The following PRKAR1B variants were observed in gnomAD, a reference collection of about 807,000 sequenced individuals.
PRKAR1B encodes cAMP-dependent protein kinase type I-beta regulatory subunit.
In PRKAR1B, 22 loss-of-function variants were observed where a neutral mutation model predicts 46.5. That is an observed-to-expected ratio of 0.47 (90% CI 0.34 to 0.68). The LOEUF (loss-of-function observed/expected upper bound fraction) is 0.68, where lower values mean the gene tolerates loss of function less well. PRKAR1B is among the 30% of genes least tolerant of loss of function. The pLI is 0.01. For synonymous variants in PRKAR1B, 259 were observed against 217.7 expected, an observed-to-expected ratio of 1.19 and a Z score of -1.67; for missense variants, 445 against 535.6, an observed-to-expected ratio of 0.83 and a Z score of 1.67.
chr7:616,826 C>T (rs576981033), intron 4 of PRKAR1B, among the ~76,000 whole-genome samples: 13 of 152,304 alleles, frequency 8.5e-5, no homozygotes, highest in Admixed American at 2.0e-4. Flanking sequence ...GAATCCCAAC[C>T]TCATGTATTT....
chr7:569,082 C>G (rs967963888), intron 9 of PRKAR1B, among the ~76,000 whole-genome samples: 12 of 148,900 alleles, frequency 8.1e-5, no homozygotes, highest in African/African-American at 2.5e-4. Flanking sequence ...AAAAAAAAAT[C>G]AGAGAGAAAA....
At position 550,576 on chromosome 7, in the gene PRKAR1B, G is replaced by T; in HGVS notation, c.1000C>A (p.Pro334Thr). 6.3e-7 allele frequency: 1 copy of T among 1,592,102 alleles called. No individual in the cohort carries two copies. Among genetic ancestry groups the T allele is most frequent in the Non-Finnish European group, 8.5e-7 (1 of 1,171,264 alleles). ...CGGGCCACGACAGTGGCCGCCCGGG[G>T]CCGGTTCAGCAGCAGTGCAATCTCC... is the stretch of plus-strand genomic sequence containing the variant. ...FGEIALLLNR[P>T]RAATVVARGP... is the part of the protein sequence containing the mutation. The change falls in exon 11 of 11, where the codon CCC becomes ACC. Residue 334 changes from proline (P) to threonine (T), a missense_variant. Physicochemically the swap from Pro to Thr is conservative, Grantham distance 38. Transcript: ENST00000537384.
rs781030551 is a variant in PRKAR1B, at chr7:677,240, G to T, written c.429C>A (p.Asp143Glu). The change falls in exon 4 of 11, where the codon GAC (aspartate) becomes GAA (glutamate). Residue 143 changes from aspartate to glutamate, a missense_variant. This residue lies in a region of PRKAR1B where 94 missense variants were observed against 126.9 expected (regional missense o/e 0.74). Coordinates refer to ENST00000537384, the MANE Select transcript of PRKAR1B (RefSeq NM_001164760.2). ...SKNVLFAHLD[D>E]NERSDIFDAM... ...ACGAGTCTGCCTACCTCCTCTCGTT[G>T]TCATCCAGGTGAGCGAAGAGCACGT... is the stretch of plus-strand genomic sequence containing the variant. The T allele has an allele frequency of 1.2e-6, 2 of 1,614,238 alleles. No individual in the cohort carries two copies. The highest frequency in any genetic ancestry group is 1.7e-6 in the Non-Finnish European group (2 of 1,180,032).
rs1784028688 is a variant in PRKAR1B at position 635,931 on chromosome 7, A to ACCGCGCCCACACGTCCTCCACCGG, written c.441-28480_441-28479insCCGGTGGAGGACGTGTGGGCGCGG. ...CACGAAGCATTGTAAAAGTACCAGCACCGCGCCCACACATCCTCCACCGGC... is the reference window on the plus strand; with the variant it reads ...CACGAAGCATTGTAAAAGTACCAGCACCGCGCCCACACGTCCTCCACCGGCCGCGCCCACACATCCTCCACCGGC... On this transcript the variant is annotated intron_variant, in intron 4 of 10. Transcript: ENST00000537384. Among the ~76,000 whole-genome samples, 5 of 150,652 alleles carry ACCGCGCCCACACGTCCTCCACCGG rather than the reference A, an allele frequency of 3.3e-5. 1 individual carries two copies. In the East Asian group the frequency reaches 7.8e-4, roughly 24 times the overall value.
chr7:659,698 C>T (rs1785400365), intron 4 of PRKAR1B, among the ~76,000 whole-genome samples: 1 of 152,098 alleles, frequency 6.6e-6, no homozygotes, highest in African/African-American at 2.4e-5. Context: ...GACGCATGGG[C>T]CTTGTGAGGG....
intron 2 of PRKAR1B, among the ~76,000 whole-genome samples, chr7:706,585 A>T (rs1299482862): frequency 1.8e-5 from 2 of 113,738 alleles, no homozygotes; most frequent in Non-Finnish European, 1.7e-5. Flanking sequence ...TGCCCAGCTA[A>T]TTTTTTTTTT....
At chr7:676,199 A>G (rs1448960478) in intron 4 of PRKAR1B, among the ~76,000 whole-genome samples, 1 of 152,078 alleles carries the variant, frequency 6.6e-6, no homozygotes, top group Non-Finnish European at 1.5e-5. Flanking sequence ...AGATGGAGAC[A>G]TTTTTGCTTT....
rs548233217 is a variant in PRKAR1B, at chr7:568,516, G to A, written c.891+10740C>T. The stretch of plus-strand genomic sequence containing the variant: ...CCCGGGCATGCGGACTTCCCAGAAG[G>A]ACCAAGTGCTCAAGGGCCCCGGCTT... On this transcript the variant is annotated intron_variant, in intron 9 of 10. Coordinates refer to ENST00000537384, the MANE Select transcript of PRKAR1B (RefSeq NM_001164760.2). Among the ~76,000 whole-genome samples, 5 of 152,336 alleles carry A rather than the reference G, an allele frequency of 3.3e-5. No homozygotes were observed. In the South Asian group the frequency reaches 1.0e-3, roughly 32 times the overall value.
rs1259272668 is a variant in PRKAR1B at position 667,613 on chromosome 7, A to G, written c.440+9616T>C. ...CTCACTGGCAATGCCTAAATCACCC[A>G]TTCTCAATCTTCCTTCACCATGCAG... On this transcript the variant is annotated intron_variant, in intron 4 of 10. Transcript: ENST00000537384. The surrounding 1 kb of genome is among the most constrained non-coding windows in gnomAD (Gnocchi z 4.3). 6.6e-6 allele frequency among the ~76,000 whole-genome samples: 1 copy of G among 152,196 alleles called. No individual in the cohort carries two copies. The highest frequency in any genetic ancestry group is 1.5e-5 in the Non-Finnish European group (1 of 68,042).
At chr7:672,974 G>A (rs1206135104) in intron 4 of PRKAR1B, among the ~76,000 whole-genome samples, 1 of 149,866 alleles carries the variant, frequency 6.7e-6, no homozygotes, top group African/African-American at 2.5e-5. Flanking sequence ...GAGCACGGAA[G>A]GCCGAGGCTG....
chr7:611,494 A>G (rs1782489620), intron 4 of PRKAR1B, among the ~76,000 whole-genome samples: 1 of 151,984 alleles, frequency 6.6e-6, no homozygotes, highest in African/African-American at 2.4e-5. Flanking sequence ...GAGATCACAA[A>G]CCTTTTGAAA....
At chr7:646,987 C>G (rs1328435289) in intron 4 of PRKAR1B, among the ~76,000 whole-genome samples, 2 of 152,194 alleles carry the variant, frequency 1.3e-5, no homozygotes, top group Non-Finnish European at 2.9e-5. Flanking sequence ...CCCCCCACTC[C>G]TGGCCCAGGC....
chr7:648,570 C>T (rs1203639498), intron 4 of PRKAR1B, among the ~76,000 whole-genome samples: 1 of 152,156 alleles, frequency 6.6e-6, no homozygotes, highest in Admixed American at 6.5e-5. Flanking sequence ...GAGATCACGC[C>T]ACCGCACTCC....
Position 574,316 on chromosome 7 carries a change from C to A in PRKAR1B, c.891+4940G>T, listed in dbSNP as rs148071667. ...AGCCGAGAGCAGGGCAGGGCAGGGGCTGAGAAAGCTGGGAAGCCTTTCACA... is the reference window on the plus strand; with the variant it reads ...AGCCGAGAGCAGGGCAGGGCAGGGGATGAGAAAGCTGGGAAGCCTTTCACA... On this transcript the variant is annotated intron_variant, in intron 9 of 10. Coordinates refer to ENST00000537384, the MANE Select transcript of PRKAR1B (RefSeq NM_001164760.2). Among the ~76,000 whole-genome samples, 17 of 152,390 alleles carry A rather than the reference C, an allele frequency of 1.1e-4. 1 individual carries two copies. In the East Asian group the frequency reaches 3.1e-3, roughly 28 times the overall value.
At chr7:687,932 C>A (rs545479762) in intron 2 of PRKAR1B, among the ~76,000 whole-genome samples, 2 of 150,188 alleles carry the variant, frequency 1.3e-5, no homozygotes, top group African/African-American at 4.9e-5. Context: ...CTCATCTCTA[C>A]CAAAAATACA....
At chr7:617,901 C>G (rs1042777925) in intron 4 of PRKAR1B, among the ~76,000 whole-genome samples, 7 of 152,288 alleles carry the variant, frequency 4.6e-5, no homozygotes, top group Non-Finnish European at 7.4e-5. Flanking sequence ...CTAGACACCC[C>G]GCCCCTGCAC....
chr7:550,168 C>G lies in PRKAR1B; in HGVS notation c.*262G>C. 2.2e-6 allele frequency: 1 copy of G among 460,140 alleles called. No homozygotes were observed. The highest frequency in any genetic ancestry group is 4.4e-5 in the East Asian group (1 of 22,578). The allele number at this position is 460,140 out of a possible 1,614,324, so 28.5% of individuals were successfully genotyped here. ...CCCCAGGAGAAGCCCACAGAGGCAG[C>G]CGGGGAGGCGTGTGGGGAGGAAGCT... On this transcript the variant is annotated 3_prime_UTR_variant, in exon 11 of 11. Transcript: ENST00000537384.
At chr7:596,081 G>C in intron 7 of PRKAR1B, 65 bp downstream of exon 7, 1 of 1,566,536 alleles carries the variant, frequency 6.4e-7, no homozygotes, top group Non-Finnish European at 8.7e-7. Flanking sequence ...AATAGAGCTA[G>C]GGTTCCCAGG....
At chr7:645,887 GC>G (rs1784597489) in intron 4 of PRKAR1B, among the ~76,000 whole-genome samples, 1 of 152,192 alleles carries the variant, frequency 6.6e-6, no homozygotes, top group South Asian at 2.1e-4. Context: ...CTGTGGCCCA[GC>G]CCCGATCTGG....
Sources: allele counts gnomAD v4.1 joint callset (sites outside exome capture counted in the v4.1 genomes callset), GRCh38; gene constraint gnomAD v4.1.1; regional missense constraint gnomAD v4.1.1; non-coding constraint Gnocchi (gnomAD v3.1); transcripts MANE v1.5; gene names NCBI Gene and HGNC (gene_info 2026-07-23, HGNC 2026-07-21).